Variants in LOC112694756 observed in about 807,000 individuals in gnomAD.
chr16:30,066,552 C>T, the LOC112694756 span, among the ~76,000 whole-genome samples: 1 of 152,238 alleles, frequency 6.6e-6, no homozygotes, highest in African/African-American at 2.4e-5. Flanking sequence ...TGTTCCGCCG[C>T]CCTTTCCTGG....
the LOC112694756 span, chr16:30,069,901 C>T: frequency 5.6e-6 from 9 of 1,614,038 alleles, no homozygotes; most frequent in South Asian, 5.5e-5. Context: ...TAACAAGTGC[C>T]CCCTGCTGAA....
chr16:30,061,806 C>A, the LOC112694756 span, among the ~76,000 whole-genome samples: 1 of 151,818 alleles, frequency 6.6e-6, no homozygotes, highest in Non-Finnish European at 1.5e-5. Context: ...GTGATCCGCC[C>A]ACCTTGGCCT....
the LOC112694756 span, chr16:30,069,087 C>G: frequency 1.9e-6 from 3 of 1,546,194 alleles, no homozygotes; most frequent in South Asian, 1.1e-5. Flanking sequence ...CAAGCATTAG[C>G]TTTGGCCCGT....
the LOC112694756 span, chr16:30,055,082 C>T: frequency 2.5e-6 from 1 of 398,962 alleles, no homozygotes; most frequent in African/African-American, 2.1e-5. Flanking sequence ...CTCTCCTGTC[C>T]CCAGCCAAAC....
the LOC112694756 span, chr16:30,070,021 C>A: frequency 1.5e-5 from 24 of 1,613,622 alleles, no homozygotes; most frequent in Non-Finnish European, 1.9e-5. Flanking sequence ...GTATGTCAAG[C>A]GAGCCCTGGT....
chr16:30,057,750 C>T, the LOC112694756 span, among the ~76,000 whole-genome samples: 1 of 152,008 alleles, frequency 6.6e-6, no homozygotes, highest in Admixed American at 6.6e-5. Context: ...GGCAGAAGGG[C>T]AAAAGGAGGA....
chr16:30,063,263 A>C, the LOC112694756 span, among the ~76,000 whole-genome samples: 4 of 152,214 alleles, frequency 2.6e-5, no homozygotes, highest in Non-Finnish European at 5.9e-5. Flanking sequence ...AAAATGGTGA[A>C]TGAGACCCTC....
At chr16:30,069,682 C>T in the LOC112694756 span, 1 of 1,613,296 alleles carries the variant, frequency 6.2e-7, no homozygotes, top group Non-Finnish European at 8.5e-7. Context: ...TGGTGAGGCC[C>T]ACACTCATCT....
the LOC112694756 span, chr16:30,054,797 C>T: frequency 6.0e-5 from 24 of 399,324 alleles, no homozygotes; most frequent in South Asian, 3.8e-4. Context: ...TCCTCTAGCC[C>T]GTGGAATCCA....
chr16:30,062,755 C>G, the LOC112694756 span, among the ~76,000 whole-genome samples: 1 of 151,630 alleles, frequency 6.6e-6, no homozygotes, highest in Non-Finnish European at 1.5e-5. Context: ...GCAGGAGAAC[C>G]GCTTGAATCC....
At chr16:30,056,665 A>G in the LOC112694756 span, among the ~76,000 whole-genome samples, 1 of 152,000 alleles carries the variant, frequency 6.6e-6, no homozygotes, top group Admixed American at 6.6e-5. Context: ...TGGTGGTGCA[A>G]TCATAGCTCA....
At chr16:30,053,827 G>A in the LOC112694756 span, among the ~76,000 whole-genome samples, 3,350 of 152,238 alleles carry the variant, frequency 0.022, 135 homozygotes, top group African/African-American at 0.075. Context: ...GAGGGGGAGG[G>A]AGAGAGGTAG....
At chr16:30,060,059 A>G in the LOC112694756 span, among the ~76,000 whole-genome samples, 2 of 151,746 alleles carry the variant, frequency 1.3e-5, no homozygotes, top group Non-Finnish European at 2.9e-5. Flanking sequence ...GCTCACTGCA[A>G]TCTCCATCTC....
the LOC112694756 span, among the ~76,000 whole-genome samples, chr16:30,066,568 T>C: frequency 1.3e-5 from 2 of 152,224 alleles, no homozygotes; most frequent in East Asian, 3.9e-4. Context: ...CCTGGGCTTC[T>C]CCTTGCTCTC....
At chr16:30,070,313 G>T in the LOC112694756 span, 2 of 1,142,376 alleles carry the variant, frequency 1.8e-6, no homozygotes, top group South Asian at 1.3e-5. Flanking sequence ...GCTTGCCCGC[G>T]CTCTTTCTTC....
chr16:30,060,647 A>G, the LOC112694756 span, among the ~76,000 whole-genome samples: 1 of 152,132 alleles, frequency 6.6e-6, no homozygotes, highest in Non-Finnish European at 1.5e-5. Flanking sequence ...TTCTGAGGTA[A>G]TGGCAGCAGA....
the LOC112694756 span, among the ~76,000 whole-genome samples, chr16:30,058,633 C>G: frequency 6.6e-6 from 1 of 151,950 alleles, no homozygotes; most frequent in Non-Finnish European, 1.5e-5. Flanking sequence ...TTACAGGTGC[C>G]CGCCACCACA....
At chr16:30,057,519 A>G in the LOC112694756 span, among the ~76,000 whole-genome samples, 1 of 152,322 alleles carries the variant, frequency 6.6e-6, no homozygotes, top group East Asian at 1.9e-4. Context: ...TCAGCGATTC[A>G]GACAGCAAAG....
chr16:30,068,803 T>A, the LOC112694756 span: 1 of 1,614,168 alleles, frequency 6.2e-7, no homozygotes, highest in South Asian at 1.1e-5. Flanking sequence ...CTCTGACCCC[T>A]TCCTCTTCTC....
Sources: gnomAD v4.1 joint callset for allele counts (sites outside exome capture counted in the v4.1 genomes callset) on GRCh38, gnomAD v4.1.1 for gene constraint, MANE v1.5 for transcripts.